The following BCAS3 variants were observed in gnomAD, a reference collection of about 807,000 sequenced individuals.
BCAS3 encodes the protein BCAS3 microtubule associated cell migration factor.
BCAS3 carries 53 observed loss-of-function variants against 116.1 expected under a neutral mutation model. The ratio of observed to expected loss-of-function variants is 0.46; its 90% CI spans 0.37 to 0.57. BCAS3 has a LOEUF of 0.57. Ranked by LOEUF, BCAS3 falls within the 20% of genes least tolerant of loss-of-function variation. The pLI, the probability that BCAS3 is intolerant of heterozygous loss-of-function variation, is 0.00. For missense variants in BCAS3, 917 were observed against 1,165.4 expected (o/e 0.79, Z 3.10); for synonymous variants, 391 against 408.2 (o/e 0.96, Z 0.51).
intron 22 of BCAS3, among the ~76,000 whole-genome samples, chr17:61,216,123 G>A (rs1055288765): frequency 1.3e-5 from 2 of 152,114 alleles, no homozygotes; most frequent in Non-Finnish European, 2.9e-5. Context: ...TGGAGAGATA[G>A]CACTGTTTCA....
intron 13 of BCAS3, among the ~76,000 whole-genome samples, chr17:60,944,154 T>G (rs2060363950): frequency 1.3e-5 from 2 of 151,238 alleles, no homozygotes; most frequent in South Asian, 4.2e-4. Flanking sequence ...TCAGTGAAAT[T>G]GAAAAGAGAA....
At position 60,953,735 on chromosome 17, in the gene BCAS3, A is replaced by ATTT. The variant is rs536582159; in HGVS notation, c.1221+6396_1221+6398dup. Among the ~76,000 whole-genome samples the ATTT allele has an allele frequency of 3.0e-3, 417 of 137,694 alleles. 5 individuals carry two copies. The highest frequency in any genetic ancestry group is 6.1e-3 in the African/African-American group (229 of 37,306). The allele number at this position is 137,694 out of a possible 152,430, so 90.3% of individuals were successfully genotyped here. A position where few individuals can be genotyped will look rare whatever the true frequency, so the allele number is the denominator to read the frequency against. On this transcript the variant is annotated intron_variant, in intron 14 of 23. Transcript: ENST00000407086. Reference sequence around the variant, plus strand: ...TGAGTCTTTAATTCATCTTGAGTTGATTTTTTTTTTTTTTTGAGATGAAGT... The same window carrying ATTT: ...TGAGTCTTTAATTCATCTTGAGTTGATTTTTTTTTTTTTTTTTTGAGATGAAGT...
intron 12 of BCAS3, among the ~76,000 whole-genome samples, chr17:60,911,123 C>CTTTTTTTT (rs1162942971): frequency 0.18 from 16,116 of 87,720 alleles, 3,838 homozygotes; most frequent in African/African-American, 0.27. Flanking sequence ...TTTTTTCTTT[C>CTTTTTTTT]TTTTTTTTTT....
intron 10 of BCAS3, 67 bp downstream of exon 10, chr17:60,889,838 T>C: frequency 2.2e-6 from 3 of 1,387,898 alleles, no homozygotes; most frequent in Non-Finnish European, 3.1e-6. Context: ...CCATAAAAAA[T>C]ACCTGTGCTC....
chr17:60,996,791 G>A (rs897849961), intron 15 of BCAS3, among the ~76,000 whole-genome samples: 1 of 152,172 alleles, frequency 6.6e-6, no homozygotes, highest in Non-Finnish European at 1.5e-5. Flanking sequence ...CTGACATTAA[G>A]TAGCCAGTGA....
intron 4 of BCAS3, among the ~76,000 whole-genome samples, chr17:60,694,519 A>G (rs530567662): frequency 6.6e-6 from 1 of 151,978 alleles, no homozygotes; most frequent in African/African-American, 2.4e-5. Context: ...AAATTTATTG[A>G]TCATTAAAAA....
chr17:60,944,422 A>G (rs2060377958), intron 13 of BCAS3, among the ~76,000 whole-genome samples: 1 of 152,124 alleles, frequency 6.6e-6, no homozygotes, highest in Non-Finnish European at 1.5e-5. Flanking sequence ...AAATATTTTT[A>G]CTTGAAAATT....
At chr17:60,913,588 G>A (rs891988346) in intron 12 of BCAS3, among the ~76,000 whole-genome samples, 5 of 151,954 alleles carry the variant, frequency 3.3e-5, no homozygotes, top group Admixed American at 6.6e-5. Flanking sequence ...TAGATTTATC[G>A]CTTTTAGCCC....
In BCAS3 at chr17:61,276,846, A is replaced by G. The variant is rs933608886; in HGVS notation, c.2426-91481A>G. ...AATCAAGACAGTGTGGTACTGGCATAAGGATAGACATATACCATAATGGAA... is the reference window on the plus strand; with the variant it reads ...AATCAAGACAGTGTGGTACTGGCATGAGGATAGACATATACCATAATGGAA... On this transcript the variant is annotated intron_variant, in intron 22 of 23. Transcript: ENST00000407086. The surrounding 1 kb of genome is among the most constrained non-coding windows in gnomAD (Gnocchi z 4.2). 6.6e-6 allele frequency among the ~76,000 whole-genome samples: 1 copy of G among 152,244 alleles called. No homozygotes were observed. Among genetic ancestry groups the G allele is most frequent in the Non-Finnish European group, 1.5e-5 (1 of 68,040 alleles).
chr17:60,729,131 C>T (rs963994270), intron 5 of BCAS3, among the ~76,000 whole-genome samples: 5 of 152,056 alleles, frequency 3.3e-5, no homozygotes, highest in Non-Finnish European at 7.4e-5. Flanking sequence ...TTTTTAGATT[C>T]GTCTGTGTTG....
chr17:60,991,122 A>G (rs1040960741), intron 15 of BCAS3, among the ~76,000 whole-genome samples: 4 of 151,990 alleles, frequency 2.6e-5, no homozygotes, highest in Admixed American at 2.6e-4. Context: ...TATGGTAACC[A>G]CTTCTTTACT....
intron 4 of BCAS3, among the ~76,000 whole-genome samples, chr17:60,697,770 G>C (rs541038675): frequency 6.6e-6 from 1 of 152,200 alleles, no homozygotes; most frequent in Non-Finnish European, 1.5e-5. Context: ...AAGGATGGGT[G>C]AATCAAAGGA....
rs1383977186 is a variant in BCAS3 at position 61,073,964 on chromosome 17, C to T, written c.2030-956C>T. 6.6e-6 allele frequency among the ~76,000 whole-genome samples: 1 copy of T among 151,946 alleles called. No individual in the cohort carries two copies. Among genetic ancestry groups the T allele is most frequent in the South Asian group, 2.1e-4 (1 of 4,826 alleles). ...TCTCTACAAGGAAGAAAATATTGGG[C>T]AGGCATTGGTAGCTCATGCCTGTAG... On this transcript the variant is annotated intron_variant, in intron 19 of 23. Coordinates refer to ENST00000407086, the MANE Select transcript of BCAS3 (RefSeq NM_017679.5). The surrounding 1 kb of genome is among the most constrained non-coding windows in gnomAD (Gnocchi z 4.6).
chr17:60,809,615 A>G (rs560859652), intron 7 of BCAS3, among the ~76,000 whole-genome samples: 48 of 152,256 alleles, frequency 3.2e-4, no homozygotes, highest in Non-Finnish European at 5.6e-4. Context: ...CAGGTATTGC[A>G]TATGCCTGCC....
At chr17:61,011,916 G>A (rs1264095038) in intron 15 of BCAS3, among the ~76,000 whole-genome samples, 1 of 151,898 alleles carries the variant, frequency 6.6e-6, no homozygotes, top group Non-Finnish European at 1.5e-5. Context: ...GAGATTTCTG[G>A]TCTAAGCTAG....
At chr17:60,976,786 C>T (rs1011175523) in intron 14 of BCAS3, among the ~76,000 whole-genome samples, 5 of 152,176 alleles carry the variant, frequency 3.3e-5, no homozygotes, top group Non-Finnish European at 5.9e-5. Context: ...CATCCCAAGG[C>T]AGAAGAATTT....
At position 61,276,781 on chromosome 17, in the gene BCAS3, C is replaced by T. The variant is rs1479655605; in HGVS notation, c.2426-91546C>T. Among the ~76,000 whole-genome samples, 2 of 152,070 alleles carry T rather than the reference C, an allele frequency of 1.3e-5. No individual in the cohort carries two copies. Among genetic ancestry groups the T allele is most frequent in the Non-Finnish European group, 2.9e-5 (2 of 68,014 alleles). On this transcript the variant is annotated intron_variant, in intron 22 of 23. Coordinates refer to ENST00000407086, the MANE Select transcript of BCAS3 (RefSeq NM_017679.5). The surrounding 1 kb of genome is among the most constrained non-coding windows in gnomAD (Gnocchi z 4.2). The stretch of plus-strand genomic sequence containing the variant: ...CTTGAAAAAGAACAAAGTTGAAGGC[C>T]TCGACTTTTCAATTTCAAAATATAC...
chr17:61,179,227 A>G (rs919410880), intron 22 of BCAS3, among the ~76,000 whole-genome samples: 2 of 141,858 alleles, frequency 1.4e-5, no homozygotes, highest in African/African-American at 5.2e-5. Context: ...TTTTGTTCTT[A>G]TTTTAAGTTT....
intron 7 of BCAS3, among the ~76,000 whole-genome samples, chr17:60,859,084 T>C (rs1421575205): frequency 1.3e-5 from 2 of 152,192 alleles, no homozygotes; most frequent in Non-Finnish European, 2.9e-5. Context: ...ACATTAATTT[T>C]AATGCTGACA....
Sources: allele counts gnomAD v4.1 joint callset (sites outside exome capture counted in the v4.1 genomes callset), GRCh38; gene constraint gnomAD v4.1.1; non-coding constraint Gnocchi (gnomAD v3.1); transcripts MANE v1.5; gene names NCBI Gene and HGNC (gene_info 2026-07-23, HGNC 2026-07-21).